ELOVL7: variants seen among roughly 807,000 people sequenced by gnomAD.
The protein encoded by ELOVL7 is ELOVL fatty acid elongase 7, also known as very long chain fatty acid elongase 7.
A neutral mutation model predicts 35.7 loss-of-function variants in ELOVL7; 27 were observed. The observed-to-expected ratio is 0.76, with a 90% CI of 0.56 to 1.04. The LOEUF (loss-of-function observed/expected upper bound fraction) is 1.04, where lower values mean the gene tolerates loss of function less well. Among genes scored for constraint, ELOVL7 ranks in the 50% least tolerant of loss-of-function variants. ELOVL7 has a pLI of 0.00. For synonymous variants in ELOVL7, 113 were observed against 114.6 expected, an observed-to-expected ratio of 0.99 and a Z score of 0.09; for missense variants, 327 against 340.8, an observed-to-expected ratio of 0.96 and a Z score of 0.32.
intron 1 of ELOVL7, among the ~76,000 whole-genome samples, chr5:60,825,076 T>A (rs886267171): frequency 6.6e-6 from 1 of 151,924 alleles, no homozygotes; most frequent in Non-Finnish European, 1.5e-5. Context: ...CTGCCTCAGC[T>A]TCCCAAGTAC....
intron 4 of ELOVL7, among the ~76,000 whole-genome samples, chr5:60,769,606 A>G (rs1276230694): frequency 6.6e-6 from 1 of 152,236 alleles, no homozygotes; most frequent in Non-Finnish European, 1.5e-5. Flanking sequence ...TACTCCATAC[A>G]ATAAACCATG....
intron 5 of ELOVL7, 128 bp downstream of exon 5, chr5:60,767,695 C>G: frequency 1.9e-6 from 1 of 514,338 alleles, no homozygotes; most frequent in East Asian, 2.9e-5. Context: ...TTCACTTTCT[C>G]CACCACAACA....
At chr5:60,778,811 C>A (rs1743063772) in intron 3 of ELOVL7, among the ~76,000 whole-genome samples, 1 of 152,192 alleles carries the variant, frequency 6.6e-6, no homozygotes, top group Admixed American at 6.5e-5. Flanking sequence ...AGCTTTAACT[C>A]AAAGTCCAAA....
intron 2 of ELOVL7, among the ~76,000 whole-genome samples, chr5:60,795,344 C>T (rs1218163207): frequency 6.6e-6 from 1 of 152,118 alleles, no homozygotes. Context: ...TCAGCTCACA[C>T]CCAACGAATC....
At chr5:60,760,101 G>A (rs982601479) in intron 7 of ELOVL7, among the ~76,000 whole-genome samples, 38 of 152,108 alleles carry the variant, frequency 2.5e-4, no homozygotes, top group Non-Finnish European at 4.6e-4. Flanking sequence ...ATAAACATAC[G>A]TGTGCATGTG....
intron 1 of ELOVL7, among the ~76,000 whole-genome samples, chr5:60,817,663 T>A (rs1166966485): frequency 7.9e-6 from 1 of 126,284 alleles, no homozygotes; most frequent in African/African-American, 2.7e-5. Context: ...TATATATACA[T>A]ATATACACAT....
At chr5:60,779,018 A>G (rs886534694) in intron 3 of ELOVL7, among the ~76,000 whole-genome samples, 1 of 152,188 alleles carries the variant, frequency 6.6e-6, no homozygotes, top group African/African-American at 2.4e-5. Context: ...CAGTCATTAA[A>G]TCTCAATGCT....
At chr5:60,813,359 C>T (rs1165735226) in intron 1 of ELOVL7, among the ~76,000 whole-genome samples, 1 of 152,104 alleles carries the variant, frequency 6.6e-6, no homozygotes, top group African/African-American at 2.4e-5. Flanking sequence ...ATAACTCTTG[C>T]CTCTACTCAT....
chr5:60,788,123 G>A (rs986574841), intron 2 of ELOVL7, among the ~76,000 whole-genome samples: 1 of 152,164 alleles, frequency 6.6e-6, no homozygotes, highest in Non-Finnish European at 1.5e-5. Context: ...GAACGTAATA[G>A]ATTAGAATGT....
At chr5:60,811,034 C>G (rs928719634) in intron 1 of ELOVL7, among the ~76,000 whole-genome samples, 1 of 152,166 alleles carries the variant, frequency 6.6e-6, no homozygotes, top group Non-Finnish European at 1.5e-5. Flanking sequence ...TCTCAACTTT[C>G]TGTTGTCTAA....
intron 5 of ELOVL7, 60 bp downstream of exon 5, chr5:60,767,763 A>G (rs1742330280): frequency 7.8e-7 from 1 of 1,286,866 alleles, no homozygotes; most frequent in Non-Finnish European, 1.1e-6. Flanking sequence ...AGTGTTACAA[A>G]CAGTTCACAA....
At chr5:60,784,205 T>C (rs1743430082) in intron 3 of ELOVL7, 1 of 1,344,850 alleles carries the variant, frequency 7.4e-7, no homozygotes. Flanking sequence ...ACTAATGAAA[T>C]GAAGAAGCTG....
intron 6 of ELOVL7, 86 bp from the exon 7 acceptor site, chr5:60,764,418 GT>G: frequency 1.0e-6 from 1 of 989,228 alleles, no homozygotes; most frequent in South Asian, 1.5e-5. Flanking sequence ...AAAGTGCAAA[GT>G]ATTTCATATC....
intron 3 of ELOVL7, among the ~76,000 whole-genome samples, chr5:60,778,453 G>A (rs1743044138): frequency 6.6e-6 from 1 of 152,168 alleles, no homozygotes; most frequent in Admixed American, 6.5e-5. Flanking sequence ...CATGGCCTGG[G>A]AGACGTCAGG....
chr5:60,786,777 C>A (rs1033277922), intron 3 of ELOVL7, among the ~76,000 whole-genome samples: 4 of 151,920 alleles, frequency 2.6e-5, no homozygotes, highest in Non-Finnish European at 4.4e-5. Context: ...CCCGTCTCTA[C>A]TAAAAATACA....
chr5:60,805,639 T>C (rs1303977323), intron 1 of ELOVL7, among the ~76,000 whole-genome samples: 2 of 152,040 alleles, frequency 1.3e-5, no homozygotes, highest in Admixed American at 6.6e-5. Flanking sequence ...TTGGGAAGGA[T>C]CCAGCATAAG....
intron 7 of ELOVL7, among the ~76,000 whole-genome samples, chr5:60,762,848 G>A (rs1742009517): frequency 6.6e-6 from 1 of 152,122 alleles, no homozygotes; most frequent in African/African-American, 2.4e-5. Flanking sequence ...TTGTTTCACA[G>A]TCATATAGAC....
At chr5:60,824,148 G>A (rs929228155) in intron 1 of ELOVL7, among the ~76,000 whole-genome samples, 1 of 152,102 alleles carries the variant, frequency 6.6e-6, no homozygotes, top group Non-Finnish European at 1.5e-5. Flanking sequence ...TTAGGGCTTT[G>A]CCAGGTAAAT....
chr5:60,812,725 C>G (rs1262045009), intron 1 of ELOVL7, among the ~76,000 whole-genome samples: 1 of 152,252 alleles, frequency 6.6e-6, no homozygotes, highest in South Asian at 2.1e-4. Flanking sequence ...AACCTAAAGG[C>G]TTATCCTAAG....
Sources: allele counts gnomAD v4.1 joint callset (sites outside exome capture counted in the v4.1 genomes callset), GRCh38; gene constraint gnomAD v4.1.1; transcripts MANE v1.5; gene names NCBI Gene and HGNC (gene_info 2026-07-23, HGNC 2026-07-21).